The following PCDHA11 variants were observed in gnomAD, a reference collection of about 807,000 sequenced individuals.
PCDHA11 encodes the protein protocadherin alpha 11.
A neutral mutation model predicts 70.3 loss-of-function variants in PCDHA11; 61 were observed. The ratio of observed to expected loss-of-function variants is 0.87; its 90% CI spans 0.71 to 1.07. The LOEUF is 1.07. Among genes scored for constraint, PCDHA11 ranks in the 50% least tolerant of loss-of-function variants. The pLI is 0.00. For missense variants in PCDHA11, 1,324 were observed against 1,237.5 expected (o/e 1.07, Z -1.05); for synonymous variants, 633 against 555.1 (o/e 1.14, Z -1.97).
rs569501434 is a variant in PCDHA11 at position 140,980,458 on chromosome 5, T to C, written c.2450+1451T>C. Among the ~76,000 whole-genome samples the C allele has an allele frequency of 1.6e-4, 25 of 152,264 alleles. No individual in the cohort carries two copies. The South Asian group carries it at 2.7e-3, about 16-fold the overall frequency. ...CATCCTGGACAACACGGTGAAACCC[T>C]GTCTCTACTAAAAATACAAAAATTA... On this transcript the variant is annotated intron_variant, in intron 2 of 3. Coordinates refer to ENST00000398640, the MANE Select transcript of PCDHA11 (RefSeq NM_018902.5).
intron 1 of PCDHA11, among the ~76,000 whole-genome samples, chr5:140,890,597 G>A (rs527637387): frequency 2.6e-5 from 4 of 152,002 alleles, no homozygotes; most frequent in African/African-American, 4.8e-5. Flanking sequence ...GCCCTTTTCC[G>A]AATAGCTAGT....
rs538024116 is a variant in PCDHA11 at position 140,945,235 on chromosome 5, T to C, written c.2392-33714T>C. Among the ~76,000 whole-genome samples the C allele has an allele frequency of 1.1e-4, 17 of 152,128 alleles. No homozygotes were observed. In the South Asian group the frequency reaches 3.5e-3, roughly 32 times the overall value. On this transcript the variant is annotated intron_variant, in intron 1 of 3. Coordinates refer to ENST00000398640, the MANE Select transcript of PCDHA11 (RefSeq NM_018902.5). ...GAAAATAAAAATACTTAGGAATAAA[T>C]TTAACCAAGAGGATGAAAGACCTGC...
At chr5:140,894,997 T>C (rs566489828) in intron 1 of PCDHA11, among the ~76,000 whole-genome samples, 4 of 152,178 alleles carry the variant, frequency 2.6e-5, no homozygotes, top group Non-Finnish European at 5.9e-5. Flanking sequence ...TCCTTTACCC[T>C]TTTTACTTGG....
Position 140,917,327 on chromosome 5 carries a change from G to A in PCDHA11, c.2391+45833G>A, listed in dbSNP as rs1219338384. ...TTACAATTTGGTGTTCATGTGGCGG[G>A]GGAGGGGGGGGATGGTGTAGGCTTC... On this transcript the variant is annotated intron_variant, in intron 1 of 3. Coordinates refer to ENST00000398640, the MANE Select transcript of PCDHA11 (RefSeq NM_018902.5). Among the ~76,000 whole-genome samples, 73 of 149,528 alleles carry A rather than the reference G, an allele frequency of 4.9e-4. 3 individuals carry two copies. Among genetic ancestry groups the A allele is most frequent in the African/African-American group, 1.3e-3 (54 of 40,384 alleles).
intron 1 of PCDHA11, chr5:140,929,425 A>G (rs2086148550): frequency 6.7e-7 from 1 of 1,496,844 alleles, no homozygotes. Context: ...CATTTCATCA[A>G]TTGAACTAAA....
At chr5:141,008,923 C>T (rs2098394604) in intron 3 of PCDHA11, among the ~76,000 whole-genome samples, 1 of 152,160 alleles carries the variant, frequency 6.6e-6, no homozygotes. Flanking sequence ...ATTTATTCAG[C>T]TAATTTTTCT....
At chr5:140,961,888 T>C (rs1361187779) in intron 1 of PCDHA11, among the ~76,000 whole-genome samples, 8 of 124,918 alleles carry the variant, frequency 6.4e-5, no homozygotes, top group Non-Finnish European at 9.4e-5. Context: ...CTTACATCAG[T>C]TTTTTTTTTT....
intron 2 of PCDHA11, among the ~76,000 whole-genome samples, chr5:140,981,993 G>A (rs533430599): frequency 6.6e-6 from 1 of 152,272 alleles, no homozygotes; most frequent in Admixed American, 6.5e-5. Flanking sequence ...TAGAAAATAA[G>A]GTTAAGAATT....
chr5:141,004,642 C>T (rs1470971220), intron 3 of PCDHA11, among the ~76,000 whole-genome samples: 1 of 152,120 alleles, frequency 6.6e-6, no homozygotes, highest in African/African-American at 2.4e-5. Context: ...GAAAAATTTC[C>T]ATTTTGGGCT....
chr5:140,995,386 A>G (rs1156268381), intron 3 of PCDHA11, among the ~76,000 whole-genome samples: 1 of 152,202 alleles, frequency 6.6e-6, no homozygotes, highest in Non-Finnish European at 1.5e-5. Context: ...TGGGCAGGAT[A>G]AAGCGGGATG....
intron 1 of PCDHA11, among the ~76,000 whole-genome samples, chr5:140,946,310 A>G (rs562859671): frequency 2.6e-5 from 4 of 152,074 alleles, no homozygotes; most frequent in African/African-American, 4.8e-5. Context: ...TAGAATGGCT[A>G]TTATTGAAAG....
At chr5:140,969,450 G>A (rs1554231822) in intron 1 of PCDHA11, 4 of 1,511,552 alleles carry the variant, frequency 2.6e-6, no homozygotes, top group Non-Finnish European at 3.6e-6. Flanking sequence ...GGTAAACTGA[G>A]TATATATAGT....
chr5:140,881,257 C>A, intron 1 of PCDHA11: 1 of 512,564 alleles, frequency 2.0e-6, no homozygotes, highest in Non-Finnish European at 2.5e-6. Context: ...CAAGGTTTTA[C>A]TCAGTGATGA....
intron 3 of PCDHA11, among the ~76,000 whole-genome samples, chr5:140,982,814 A>G (rs1166333981): frequency 6.6e-6 from 1 of 151,580 alleles, no homozygotes; most frequent in Non-Finnish European, 1.5e-5. Context: ...TGTGTGTATG[A>G]AGTTTTTGGG....
chr5:140,926,698 C>G, intron 1 of PCDHA11: 2 of 787,702 alleles, frequency 2.5e-6, no homozygotes, highest in Non-Finnish European at 3.6e-6. Context: ...AAGCCCGGCT[C>G]CCAGCTGGCC....
chr5:140,916,831 G>A (rs1038292722), intron 1 of PCDHA11, among the ~76,000 whole-genome samples: 22 of 152,082 alleles, frequency 1.4e-4, no homozygotes, highest in Non-Finnish European at 2.9e-4. Context: ...CTATCCCTCT[G>A]GTTCTGAGCC....
At chr5:140,970,152 A>G (rs899776182) in intron 1 of PCDHA11, among the ~76,000 whole-genome samples, 22 of 152,224 alleles carry the variant, frequency 1.4e-4, no homozygotes, top group Non-Finnish European at 2.5e-4. Flanking sequence ...AATTCTCCCA[A>G]TAGTCACCTT....
chr5:140,885,229 C>A (rs1410460890), intron 1 of PCDHA11, among the ~76,000 whole-genome samples: 2 of 151,932 alleles, frequency 1.3e-5, no homozygotes, highest in African/African-American at 4.8e-5. Context: ...TGTGATTCTG[C>A]TTTCAATTTT....
intron 1 of PCDHA11, among the ~76,000 whole-genome samples, chr5:140,908,919 G>T (rs781892541): frequency 1.3e-5 from 2 of 152,158 alleles, no homozygotes; most frequent in Non-Finnish European, 2.9e-5. Context: ...TGTAGGAGGG[G>T]CCAAATGCAG....
Sources: allele counts gnomAD v4.1 joint callset (sites outside exome capture counted in the v4.1 genomes callset), GRCh38; gene constraint gnomAD v4.1.1; transcripts MANE v1.5; gene names NCBI Gene and HGNC (gene_info 2026-07-23, HGNC 2026-07-21).